RNF13: variants seen among roughly 807,000 people sequenced by gnomAD.
RNF13 encodes E3 ubiquitin-protein ligase RNF13.
A neutral mutation model predicts 37.7 loss-of-function variants in RNF13; 19 were observed. The observed-to-expected ratio is 0.50, with a 90% CI of 0.35 to 0.74. The LOEUF is 0.74. RNF13 is among the 30% of genes least tolerant of loss of function. The probability of loss-of-function intolerance (pLI) is 0.01; values close to 1 mark genes in which losing one functional copy is unlikely to be tolerated. For missense variants in RNF13, 375 were observed against 453.0 expected (o/e 0.83, Z 1.56); for synonymous variants, 144 against 157.8 (o/e 0.91, Z 0.65).
Position 149,852,604 on chromosome 3 carries a change from AG to A in RNF13, c.195+9del, listed in dbSNP as rs1283618008. The A allele has an allele frequency of 7.1e-7, 1 of 1,408,354 alleles. No individual in the cohort carries two copies. The highest frequency in any genetic ancestry group is 9.8e-7 in the Non-Finnish European group (1 of 1,017,318). The allele number at this position is 1,408,354 out of a possible 1,614,324, so 87.2% of individuals were successfully genotyped here. Reference sequence around the variant, plus strand: ...CCAGCTGAAGGTTTAAAGGTAAGACAGTTGGTAATACATTGTAAAGACACAA... The same window carrying A: ...CCAGCTGAAGGTTTAAAGGTAAGACATTGGTAATACATTGTAAAGACACAA... On this transcript the variant is annotated intron_variant, in intron 3 of 9. Transcript: ENST00000392894.
At chr3:149,820,605 A>G (rs185511233) in intron 1 of RNF13, among the ~76,000 whole-genome samples, 202 of 152,282 alleles carry the variant, frequency 1.3e-3, no homozygotes, top group Non-Finnish European at 1.5e-4. Flanking sequence ...TAATTTCCAC[A>G]TTTATCCAAC....
intron 8 of RNF13, among the ~76,000 whole-genome samples, chr3:149,941,220 G>A (rs994471328): frequency 6.6e-6 from 1 of 152,054 alleles, no homozygotes; most frequent in Non-Finnish European, 1.5e-5. Context: ...ATATCCAGAA[G>A]TGGGATTGCT....
chr3:149,826,317 T>C (rs914679551), intron 1 of RNF13, among the ~76,000 whole-genome samples: 1 of 152,226 alleles, frequency 6.6e-6, no homozygotes, highest in African/African-American at 2.4e-5. Context: ...ATAATAACTG[T>C]AAGGACTATA....
In RNF13 at chr3:149,921,295, A is replaced by C. The variant is rs1576541539; in HGVS notation, c.700+68A>C. The C allele has an allele frequency of 4.1e-5, 23 of 556,220 alleles. No homozygotes were observed. The East Asian group carries it at 8.9e-4, about 22-fold the overall frequency. The allele number at this position is 556,220 out of a possible 1,614,324, so 34.5% of individuals were successfully genotyped here. ...GACTGCAGGGTGACTATACTCTTTA[A>C]AAAAATTTTTATTATTATTATTATA... On this transcript the variant is annotated intron_variant, in intron 8 of 9. Transcript: ENST00000392894.
At chr3:149,920,159 A>T (rs933603834) in intron 7 of RNF13, among the ~76,000 whole-genome samples, 1 of 152,186 alleles carries the variant, frequency 6.6e-6, no homozygotes, top group Non-Finnish European at 1.5e-5. Flanking sequence ...CTTATCTTGT[A>T]TACAATTTGC....
intron 1 of RNF13, among the ~76,000 whole-genome samples, chr3:149,815,362 C>T (rs1310465899): frequency 6.6e-6 from 1 of 152,170 alleles, no homozygotes; most frequent in Non-Finnish European, 1.5e-5. Context: ...GTTTTGCTTA[C>T]TTCATGTAGG....
At chr3:149,928,037 A>G (rs1040839902) in intron 8 of RNF13, among the ~76,000 whole-genome samples, 1 of 149,082 alleles carries the variant, frequency 6.7e-6, no homozygotes, top group Non-Finnish European at 1.5e-5. Context: ...TGTGAAGGAA[A>G]TTAAAGAAGA....
At chr3:149,822,169 A>G (rs190855145) in intron 1 of RNF13, among the ~76,000 whole-genome samples, 504 of 152,214 alleles carry the variant, frequency 3.3e-3, no homozygotes, top group Admixed American at 5.8e-3. Context: ...CAGCTTTTCC[A>G]TTTCTGCATA....
At chr3:149,903,910 T>C (rs1475845201) in intron 6 of RNF13, among the ~76,000 whole-genome samples, 1 of 151,318 alleles carries the variant, frequency 6.6e-6, no homozygotes, top group African/African-American at 2.4e-5. Flanking sequence ...AAAGATCTAC[T>C]CTATCTATCT....
At chr3:149,817,969 TC>T (rs2108306588) in intron 1 of RNF13, among the ~76,000 whole-genome samples, 1 of 152,340 alleles carries the variant, frequency 6.6e-6, no homozygotes, top group South Asian at 2.1e-4. Flanking sequence ...TGGAAGGTTT[TC>T]TAGGGTTTGG....
intron 5 of RNF13, among the ~76,000 whole-genome samples, chr3:149,899,197 G>A (rs1433774069): frequency 6.6e-6 from 1 of 152,178 alleles, no homozygotes; most frequent in Non-Finnish European, 1.5e-5. Context: ...TGTAATCCTA[G>A]CACTTTGGGA....
At chr3:149,840,935 C>T (rs1722119976) in intron 1 of RNF13, among the ~76,000 whole-genome samples, 2 of 152,212 alleles carry the variant, frequency 1.3e-5, no homozygotes, top group Non-Finnish European at 2.9e-5. Context: ...ATGTGTATCA[C>T]CTCAGCATAC....
At chr3:149,864,719 T>C (rs552096596) in intron 3 of RNF13, among the ~76,000 whole-genome samples, 1 of 152,332 alleles carries the variant, frequency 6.6e-6, no homozygotes, top group Admixed American at 6.5e-5. Context: ...GTTATAGTCA[T>C]TAAATGTTTG....
chr3:149,959,408 TATG>T (rs36091691), intron 8 of RNF13, among the ~76,000 whole-genome samples: 99,361 of 151,920 alleles, frequency 0.65, 33,097 homozygotes, highest in East Asian at 0.87. Context: ...AATAAATTTC[TATG>T]ATTATAAAAC....
intron 1 of RNF13, among the ~76,000 whole-genome samples, chr3:149,823,860 T>C (rs1468355418): frequency 2.0e-5 from 3 of 152,218 alleles, no homozygotes; most frequent in African/African-American, 7.2e-5. Context: ...GTTAAAGTTG[T>C]AAAAACAATA....
chr3:149,946,584 T>C lies in RNF13; in HGVS notation c.701-13472T>C, dbSNP rs1384691501. ...TTTCTAGGAATTTATCCATTTCTTC[T>C]AGATTATCTGGTTTGGTTGTAATTT... On this transcript the variant is annotated intron_variant, in intron 8 of 9. Coordinates refer to ENST00000392894, the MANE Select transcript of RNF13 (RefSeq NM_183381.3). 4.6e-5 allele frequency among the ~76,000 whole-genome samples: 7 copies of C among 152,230 alleles called. No homozygotes were observed. The South Asian group carries it at 6.2e-4, about 13-fold the overall frequency.
intron 4 of RNF13, among the ~76,000 whole-genome samples, chr3:149,888,361 A>T (rs927319640): frequency 3.9e-5 from 6 of 152,354 alleles, no homozygotes; most frequent in Non-Finnish European, 7.3e-5. Context: ...AAATTAGAAG[A>T]GAGTATATTT....
chr3:149,871,934 C>A, intron 3 of RNF13, 95 bp from the exon 4 acceptor site: 3 of 1,113,394 alleles, frequency 2.7e-6, no homozygotes, highest in Non-Finnish European at 2.5e-6. Context: ...TAGCATAATG[C>A]AAAACACATG....
At chr3:149,860,407 G>A (rs1004971787) in intron 3 of RNF13, among the ~76,000 whole-genome samples, 2 of 150,860 alleles carry the variant, frequency 1.3e-5, no homozygotes, top group African/African-American at 4.9e-5. Flanking sequence ...GTATGGTACT[G>A]ATATAAAAAC....
Sources: gnomAD v4.1 joint callset for allele counts (sites outside exome capture counted in the v4.1 genomes callset) on GRCh38, gnomAD v4.1.1 for gene constraint, MANE v1.5 for transcripts, NCBI Gene and HGNC (gene_info 2026-07-23, HGNC 2026-07-21) for gene names.